COPS7A: variants seen among roughly 807,000 people sequenced by gnomAD.
The protein encoded by COPS7A is COP9 signalosome subunit 7A, also known as COP9 signalosome complex subunit 7a.
A neutral mutation model predicts 35.2 loss-of-function variants in COPS7A; 20 were observed. That is an observed-to-expected ratio of 0.57 (90% CI 0.40 to 0.83). The LOEUF (loss-of-function observed/expected upper bound fraction) is 0.83. Among genes scored for constraint, COPS7A ranks in the 40% least tolerant of loss-of-function variants. The pLI, the probability that COPS7A is intolerant of heterozygous loss-of-function variation, is 0.00. For missense variants in COPS7A, 247 were observed against 347.5 expected (o/e 0.71, Z 2.30); for synonymous variants, 139 against 141.4 (o/e 0.98, Z 0.12).
rs765139493 is a variant in COPS7A, at chr12:6,731,122, C to T, written c.*83C>T. 3.1e-6 allele frequency: 5 copies of T among 1,612,804 alleles called. No homozygotes were observed. The East Asian group carries it at 8.9e-5, about 29-fold the overall frequency. ...GGAGTCCTCAGAGAGCCTTCTGTGC[C>T]CCTGGCCAGCTGATAATCCTAGGTT... is the stretch of plus-strand genomic sequence containing the variant. On this transcript the variant is annotated 3_prime_UTR_variant, in exon 8 of 8. Transcript: ENST00000543155.
At chr12:6,725,210 G>A (rs370898873) in intron 2 of COPS7A, among the ~76,000 whole-genome samples, 1 of 149,046 alleles carries the variant, frequency 6.7e-6, no homozygotes, top group Admixed American at 6.7e-5. Context: ...AGGCTGGAGT[G>A]CAGTGGCGTG....
intron 2 of COPS7A, among the ~76,000 whole-genome samples, chr12:6,726,163 A>C (rs1592467338): frequency 6.6e-6 from 1 of 151,820 alleles, no homozygotes; most frequent in African/African-American, 2.4e-5. Context: ...AAATACAAAA[A>C]ATTAGCCGGG....
At position 6,727,982 on chromosome 12, in the gene COPS7A, G is replaced by A. The variant is rs1232063008; in HGVS notation, c.219G>A (p.Gly73=). The change falls in exon 3 of 8, where the codon GGG becomes GGA. Residue 73 remains glycine (G), a synonymous_variant. Coordinates refer to ENST00000543155, the MANE Select transcript of COPS7A (RefSeq NM_001164094.2). Reference sequence around the variant, plus strand: ...GGCTGCTCACAGTGTTTGCTTATGGGACATACGCTGACTACTTAGGTAACC... The same window carrying A: ...GGCTGCTCACAGTGTTTGCTTATGGAACATACGCTGACTACTTAGGTAACC... ...TFRLLTVFAY[G]TYADYLAEAR... 9.3e-6 allele frequency: 15 copies of A among 1,613,990 alleles called. No homozygotes were observed. The highest frequency in any genetic ancestry group is 4.2e-6 in the Non-Finnish European group (5 of 1,180,002).
intron 2 of COPS7A, chr12:6,725,825 T>C (rs1305837262): frequency 6.6e-6 from 3 of 456,112 alleles, no homozygotes; most frequent in South Asian, 4.6e-5. Flanking sequence ...CTCTGTGATA[T>C]GGAGAAAACT....
intron 3 of COPS7A, 65 bp downstream of exon 3, chr12:6,728,066 C>G (rs976583297): frequency 1.3e-6 from 2 of 1,554,236 alleles, no homozygotes; most frequent in South Asian, 1.1e-5. Context: ...TGGAGGGACT[C>G]AGAAGAAATT....
chr12:6,728,190 C>T (rs756993027), intron 3 of COPS7A, 33 bp from the exon 4 acceptor site: 1 of 1,601,118 alleles, frequency 6.2e-7, no homozygotes, highest in Non-Finnish European at 8.6e-7. Flanking sequence ...AAACTGAAAT[C>T]AGGATTCCTT....
In COPS7A at chr12:6,731,141, C is replaced by G. The variant is rs766180752; in HGVS notation, c.*102C>G. ...CTGTGCCCCTGGCCAGCTGATAATC[C>G]TAGGTTCATGACCCTTCACCTCCCC... On this transcript the variant is annotated 3_prime_UTR_variant, in exon 8 of 8. Coordinates refer to ENST00000543155, the MANE Select transcript of COPS7A (RefSeq NM_001164094.2). 3.1e-6 allele frequency: 5 copies of G among 1,609,442 alleles called. No individual in the cohort carries two copies. In the Admixed American group the frequency reaches 5.0e-5, roughly 16 times the overall value.
chr12:6,729,347 G>T lies in COPS7A; in HGVS notation c.428G>T (p.Gly143Val). 6.2e-7 allele frequency: 1 copy of T among 1,614,182 alleles called. No homozygotes were observed. Among genetic ancestry groups the T allele is most frequent in the Non-Finnish European group, 8.5e-7 (1 of 1,180,040 alleles). ...IEAVYADVLR[G>V]SLDQRNQRLE... ...GCTGTGTATGCTGACGTGCTTCGTG[G>T]CTCCCTGGACCAGCGCAACCAGCGG... is the stretch of plus-strand genomic sequence containing the variant. Residue 143 changes from glycine to valine, a missense_variant, in exon 5 of 8, where the codon GGC becomes GTC. Transcript: ENST00000543155. This position sits in a 1 kb window ranked among gnomAD's most constrained non-coding sequence, Gnocchi z 4.2.
At chr12:6,724,959 A>C in intron 2 of COPS7A, 141 bp downstream of exon 2, 1 of 881,208 alleles carries the variant, frequency 1.1e-6, no homozygotes, top group Non-Finnish European at 1.7e-6. Flanking sequence ...CAACTTGCAG[A>C]AGTAACCAGT....
rs1406870892 is a variant in COPS7A, at chr12:6,729,203, A to G, written c.328-44A>G. 19 of 1,605,938 alleles carry G rather than the reference A, an allele frequency of 1.2e-5. No homozygotes were observed. Among genetic ancestry groups the G allele is most frequent in the East Asian group, 2.2e-5 (1 of 44,814 alleles). ...GGAAGATTTTTGGAAGCCCTTCTCT[A>G]CTACGGAGCGTCACAAATCCTGGCC... On this transcript the variant is annotated intron_variant, in intron 4 of 7. Coordinates refer to ENST00000543155, the MANE Select transcript of COPS7A (RefSeq NM_001164094.2). The surrounding 1 kb of genome is among the most constrained non-coding windows in gnomAD (Gnocchi z 4.2).
intron 2 of COPS7A, chr12:6,725,989 A>T (rs1941242959): frequency 2.2e-6 from 1 of 445,376 alleles, no homozygotes; most frequent in Non-Finnish European, 4.5e-6. Flanking sequence ...GCAGGAGGTG[A>T]AACCGATATG....
rs993205954 is a variant in COPS7A, at chr12:6,731,376, G to A, written c.*337G>A. 30 of 1,327,934 alleles carry A rather than the reference G, an allele frequency of 2.3e-5. No homozygotes were observed. The highest frequency in any genetic ancestry group is 1.4e-4 in the South Asian group (7 of 48,818). 82.3% of individuals were successfully genotyped at this position (1,327,934 alleles called of 1,614,324 possible). A position where few individuals can be genotyped will look rare whatever the true frequency, so the allele number is the denominator to read the frequency against. On this transcript the variant is annotated 3_prime_UTR_variant, in exon 8 of 8. Coordinates refer to ENST00000543155, the MANE Select transcript of COPS7A (RefSeq NM_001164094.2). Reference sequence around the variant, plus strand: ...AGCCCTGATGGGGGTCGCTCTGTCTGGAGCATAACCCACAGGCGTTTTTTC... The same window carrying A: ...AGCCCTGATGGGGGTCGCTCTGTCTAGAGCATAACCCACAGGCGTTTTTTC...
chr12:6,730,283 C>G, intron 5 of COPS7A, 119 bp from the exon 6 acceptor site: 2 of 889,152 alleles, frequency 2.2e-6, no homozygotes, highest in Non-Finnish European at 1.8e-6. Context: ...TCCCAAAATG[C>G]AGGGATTATG....
At position 6,731,386 on chromosome 12, in the gene COPS7A, C is replaced by T. The variant is rs1592474999; in HGVS notation, c.*347C>T. 1.6e-6 allele frequency: 2 copies of T among 1,273,938 alleles called. No homozygotes were observed. Among genetic ancestry groups the T allele is most frequent in the East Asian group, 5.6e-5 (2 of 35,836 alleles). The allele number at this position is 1,273,938 out of a possible 1,614,324, so 78.9% of individuals were successfully genotyped here. A position where few individuals can be genotyped will look rare whatever the true frequency, so the allele number is the denominator to read the frequency against. ...GGGGTCGCTCTGTCTGGAGCATAAC[C>T]CACAGGCGTTTTTTCTGCCACCCCA... On this transcript the variant is annotated 3_prime_UTR_variant, in exon 8 of 8. Coordinates refer to ENST00000543155, the MANE Select transcript of COPS7A (RefSeq NM_001164094.2).
chr12:6,725,275 G>A (rs1349313442), intron 2 of COPS7A, among the ~76,000 whole-genome samples: 2 of 151,600 alleles, frequency 1.3e-5, no homozygotes, highest in East Asian at 3.9e-4. Flanking sequence ...TCCTGCCTCA[G>A]CCTCCTCAGT....
chr12:6,725,324 CTT>C (rs1269523974), intron 2 of COPS7A, among the ~76,000 whole-genome samples: 2 of 151,862 alleles, frequency 1.3e-5, no homozygotes, highest in African/African-American at 2.4e-5. Flanking sequence ...GCCCGGCTAA[CTT>C]TTTTGTATTT....
chr12:6,725,622 T>C, intron 2 of COPS7A: 1 of 456,082 alleles, frequency 2.2e-6, no homozygotes, highest in Non-Finnish European at 4.4e-6. Flanking sequence ...TCAAGTTAGC[T>C]AAGGGAGAAC....
At position 6,724,911 on chromosome 12, in the gene COPS7A, C is replaced by T. The variant is rs1485915375; in HGVS notation, c.162+93C>T. On this transcript the variant is annotated intron_variant, in intron 2 of 7. Transcript: ENST00000543155. ...CAGGGCTCATTTTGTGATCCAATAA[C>T]CATTCAGTTGAACAAGAAAACAGTG... The T allele has an allele frequency of 4.5e-6, 6 of 1,344,354 alleles. No individual in the cohort carries two copies. The African/African-American group carries it at 5.8e-5, about 13-fold the overall frequency. 83.3% of individuals were successfully genotyped at this position (1,344,354 alleles called of 1,614,324 possible).
chr12:6,729,493 A>G lies in COPS7A; in HGVS notation c.530+44A>G, dbSNP rs760329440. ...CACTGTCCCCTTCTCACCCTGAGAA[A>G]GAGAAAGGCGCTTCAGGGTGAGAGA... On this transcript the variant is annotated intron_variant, in intron 5 of 7. Coordinates refer to ENST00000543155, the MANE Select transcript of COPS7A (RefSeq NM_001164094.2). The surrounding 1 kb of genome is among the most constrained non-coding windows in gnomAD (Gnocchi z 4.2). 2 of 1,587,638 alleles carry G rather than the reference A, an allele frequency of 1.3e-6. No individual in the cohort carries two copies. Among genetic ancestry groups the G allele is most frequent in the African/African-American group, 1.3e-5 (1 of 74,396 alleles).
Sources: allele counts gnomAD v4.1 joint callset (sites outside exome capture counted in the v4.1 genomes callset), GRCh38; gene constraint gnomAD v4.1.1; non-coding constraint Gnocchi (gnomAD v3.1); transcripts MANE v1.5; gene names NCBI Gene and HGNC (gene_info 2026-07-23, HGNC 2026-07-21).